The following KLRD1 variants were observed in gnomAD, a reference collection of about 807,000 sequenced individuals.
KLRD1 encodes killer cell lectin like receptor D1, also known as natural killer cells antigen CD94.
In KLRD1, 21 loss-of-function variants were observed where a neutral mutation model predicts 22.6. The observed-to-expected ratio is 0.93, with a 90% CI of 0.66 to 1.34. The LOEUF is 1.34. KLRD1 is among the 40% of genes most tolerant of loss of function. The probability of loss-of-function intolerance (pLI) is 0.00; values close to 1 mark genes in which losing one functional copy is unlikely to be tolerated. For missense variants in KLRD1, 183 were observed against 208.6 expected (o/e 0.88, Z 0.76); for synonymous variants, 59 against 71.1 (o/e 0.83, Z 0.85).
In KLRD1 at chr12:10,316,201, T is replaced by C. The variant is rs893681004; in HGVS notation, c.*1408T>C. On this transcript the variant is annotated 3_prime_UTR_variant, in exon 6 of 6. Coordinates refer to ENST00000336164, the MANE Select transcript of KLRD1 (RefSeq NM_002262.5). ...ACTGCCTCACCTTTGTTATTTAGTGTACTCCAACCACGGAGTAACATCCCA... is the reference window on the plus strand; with the variant it reads ...ACTGCCTCACCTTTGTTATTTAGTGCACTCCAACCACGGAGTAACATCCCA... The C allele has an allele frequency of 5.3e-5, 8 of 151,502 alleles. No individual in the cohort carries two copies. Among genetic ancestry groups the C allele is most frequent in the African/African-American group, 1.9e-4 (8 of 41,162 alleles). 9.4% of individuals were successfully genotyped at this position (151,502 alleles called of 1,614,324 possible).
chr12:10,276,079 A>C (rs1949589507), intron 1 of KLRD1, among the ~76,000 whole-genome samples: 1 of 152,042 alleles, frequency 6.6e-6, no homozygotes, highest in Admixed American at 6.6e-5. Context: ...TATTTATTAG[A>C]GTTATCTGTG....
chr12:10,252,317 G>A (rs995664165), intron 1 of KLRD1, among the ~76,000 whole-genome samples: 3 of 152,170 alleles, frequency 2.0e-5, no homozygotes, highest in Middle Eastern at 3.4e-3. Flanking sequence ...GTGGTGATGT[G>A]CAGGTGTATT....
At chr12:10,257,297 A>T (rs1174709064) in intron 1 of KLRD1, among the ~76,000 whole-genome samples, 1 of 150,856 alleles carries the variant, frequency 6.6e-6, no homozygotes, top group Non-Finnish European at 1.5e-5. Context: ...CAAATTTGGC[A>T]AATTTCTTTA....
intron 1 of KLRD1, among the ~76,000 whole-genome samples, chr12:10,263,175 T>C (rs890916016): frequency 6.6e-6 from 1 of 152,002 alleles, no homozygotes; most frequent in African/African-American, 2.4e-5. Flanking sequence ...TCTCTCTAAT[T>C]TTCACTTTCC....
At position 10,323,893 on chromosome 12, in the gene KLRD1, GCT is replaced by G. The variant is rs1950335053; in HGVS notation, c.*9103_*9104del. ...TTTTTTTTTTTTGAGACTGAGTATT[GCT>G]CTGTCACCCAGATTAGAGTGCAGTG... is the stretch of plus-strand genomic sequence containing the variant. On this transcript the variant is annotated 3_prime_UTR_variant, in exon 6 of 6. Transcript: ENST00000336164. 1 of 91,408 alleles carries G rather than the reference GCT, an allele frequency of 1.1e-5. No individual in the cohort carries two copies. The highest frequency in any genetic ancestry group is 2.1e-5 in the Non-Finnish European group (1 of 47,950). 5.7% of individuals were successfully genotyped at this position (91,408 alleles called of 1,614,324 possible). A position where few individuals can be genotyped will look rare whatever the true frequency, so the allele number is the denominator to read the frequency against.
chr12:10,257,588 G>A (rs1186354137), intron 1 of KLRD1, among the ~76,000 whole-genome samples: 1 of 121,464 alleles, frequency 8.2e-6, no homozygotes, highest in Non-Finnish European at 1.7e-5. Flanking sequence ...TTTTCTATTT[G>A]TTGATATTCT....
At chr12:10,243,274 T>A (rs1487570336) in intron 1 of KLRD1, among the ~76,000 whole-genome samples, 1 of 152,076 alleles carries the variant, frequency 6.6e-6, no homozygotes, top group Non-Finnish European at 1.5e-5. Context: ...TATCAAAACA[T>A]CACATCAAAC....
chr12:10,290,422 AT>A (rs1720662545), intron 1 of KLRD1, among the ~76,000 whole-genome samples: 6 of 152,228 alleles, frequency 3.9e-5, no homozygotes, highest in Non-Finnish European at 7.3e-5. Flanking sequence ...TCTAGGAATA[AT>A]CAGAGGTAGA....
Position 10,326,420 on chromosome 12 carries a change from C to A in KLRD1, c.*11627C>A, listed in dbSNP as rs1950362467. ...TGACATGTGCCCAAGGTGGTCAGGG[C>A]ACAGTTTGGTTTTATACATTTTAGG... On this transcript the variant is annotated 3_prime_UTR_variant, in exon 6 of 6. Transcript: ENST00000336164. 6.6e-6 allele frequency: 1 copy of A among 152,168 alleles called. No homozygotes were observed. Among genetic ancestry groups the A allele is most frequent in the Non-Finnish European group, 1.5e-5 (1 of 68,076 alleles). The allele number at this position is 152,168 out of a possible 1,614,324, so 9.4% of individuals were successfully genotyped here.
Position 10,314,991 on chromosome 12 carries a change from A to T in KLRD1, c.*198A>T. On this transcript the variant is annotated 3_prime_UTR_variant, in exon 6 of 6. Transcript: ENST00000336164. ...ATTCGTTCACCTACATTTGAGAATT[A>T]TAAAATTAACATAAAGAATTTTGTA... The T allele has an allele frequency of 2.4e-6, 1 of 419,222 alleles. No homozygotes were observed. The allele number at this position is 419,222 out of a possible 1,614,324, so 26.0% of individuals were successfully genotyped here.
Position 10,264,682 on chromosome 12 carries a change from C to CTGTGTGTGTGTGTG in KLRD1, c.-101+38457_-101+38470dup, listed in dbSNP as rs1288838996. On this transcript the variant is annotated intron_variant, in intron 1 of 5. Transcript: ENST00000544747. Reference sequence around the variant, plus strand: ...GTCCATCGTCTCACATAGTTACCTTCTGTGTGTGTGTGTGTGTGTGTAGTG... The same window carrying CTGTGTGTGTGTGTG: ...GTCCATCGTCTCACATAGTTACCTTCTGTGTGTGTGTGTGTGTGTGTGTGTGTGTGTGTGTAGTG... 8.5e-4 allele frequency among the ~76,000 whole-genome samples: 128 copies of CTGTGTGTGTGTGTG among 149,864 alleles called. 2 individuals carry two copies. The highest frequency in any genetic ancestry group is 3.4e-3 in the Middle Eastern group (1 of 290).
At chr12:10,288,093 A>AT (rs1268013883) in intron 1 of KLRD1, among the ~76,000 whole-genome samples, 1 of 150,248 alleles carries the variant, frequency 6.7e-6, no homozygotes, top group Non-Finnish European at 1.5e-5. Context: ...AAGTACAAAA[A>AT]TTAGCCAGGC....
rs112921374 is a variant in KLRD1 at position 10,316,104 on chromosome 12, C to CCAG, written c.*1312_*1314dup. ...CTGCACTCCAGCCTGGGTGACAGAGCCAGACTCCTCTCCAAAAAAAAAAAA... is the reference window on the plus strand; with the variant it reads ...CTGCACTCCAGCCTGGGTGACAGAGCCAGCAGACTCCTCTCCAAAAAAAAAAAA... On this transcript the variant is annotated 3_prime_UTR_variant, in exon 6 of 6. Coordinates refer to ENST00000336164, the MANE Select transcript of KLRD1 (RefSeq NM_002262.5). 6.3e-5 allele frequency: 8 copies of CCAG among 127,648 alleles called. 1 individual carries two copies. Among genetic ancestry groups the CCAG allele is most frequent in the African/African-American group, 2.4e-4 (7 of 29,746 alleles). 7.9% of individuals were successfully genotyped at this position (127,648 alleles called of 1,614,324 possible).
chr12:10,249,891 C>T lies in KLRD1; in HGVS notation c.-101+23658C>T, dbSNP rs1382266. Among the ~76,000 whole-genome samples, 46 of 152,230 alleles carry T rather than the reference C, an allele frequency of 3.0e-4. No individual in the cohort carries two copies. The South Asian group carries it at 8.9e-3, about 29-fold the overall frequency. ...GTGGCTCGTAATGCATTTCTTGACC[C>T]AATGACTTCCTTTGTGGTTTCATCA... On this transcript the variant is annotated intron_variant, in intron 1 of 5. Transcript: ENST00000544747.
At chr12:10,256,365 G>T (rs1301535322) in intron 1 of KLRD1, among the ~76,000 whole-genome samples, 1 of 147,406 alleles carries the variant, frequency 6.8e-6, no homozygotes, top group African/African-American at 2.5e-5. Context: ...TTATTTCAGG[G>T]TGTCTTATAG....
chr12:10,243,336 A>G (rs1397949661), intron 1 of KLRD1, among the ~76,000 whole-genome samples: 2 of 152,150 alleles, frequency 1.3e-5, no homozygotes, highest in Non-Finnish European at 2.9e-5. Context: ...ACAGAAGGCC[A>G]GGTGCAGTGG....
rs1950260292 is a variant in KLRD1, at chr12:10,317,654, A to G, written c.*2861A>G. 1 of 152,196 alleles carries G rather than the reference A, an allele frequency of 6.6e-6. No individual in the cohort carries two copies. Among genetic ancestry groups the G allele is most frequent in the South Asian group, 2.1e-4 (1 of 4,832 alleles). The allele number at this position is 152,196 out of a possible 1,614,324, so 9.4% of individuals were successfully genotyped here. ...AATAAATCTGCCTTCCTTTACCTAC[A>G]GCTGTCTTGGTAAATTCTTTTACCT... On this transcript the variant is annotated 3_prime_UTR_variant, in exon 6 of 6. Transcript: ENST00000336164.
chr12:10,288,184 A>G (rs898855058), intron 1 of KLRD1, among the ~76,000 whole-genome samples: 19 of 151,192 alleles, frequency 1.3e-4, no homozygotes, highest in African/African-American at 3.7e-4. Context: ...TGGAGGTTAC[A>G]GTGAGCCGAT....
intron 1 of KLRD1, chr12:10,309,093 C>G (rs1046869754): frequency 4.7e-5 from 12 of 255,610 alleles, no homozygotes; most frequent in African/African-American, 1.6e-4. Context: ...TCTTCTACCT[C>G]CAGATCTTTA....
Sources: gnomAD v4.1 joint callset for allele counts (sites outside exome capture counted in the v4.1 genomes callset) on GRCh38, gnomAD v4.1.1 for gene constraint, MANE v1.5 for transcripts, NCBI Gene and HGNC (gene_info 2026-07-23, HGNC 2026-07-21) for gene names.